Variants in ENPEP observed in about 807,000 individuals in gnomAD.
The protein encoded by ENPEP is glutamyl aminopeptidase.
In ENPEP, 103 loss-of-function variants were observed where a neutral mutation model predicts 114.5. The ratio of observed to expected loss-of-function variants is 0.90; its 90% confidence interval spans 0.77 to 1.06. The LOEUF is 1.06. Among genes scored for constraint, ENPEP ranks in the 50% least tolerant of loss-of-function variants. ENPEP has a pLI of 0.00. For missense variants in ENPEP, 1,196 were observed against 1,161.3 expected (o/e 1.03, Z -0.43); for synonymous variants, 420 against 422.0 (o/e 1.00, Z 0.06).
chr4:110,557,557 A>T (rs989541071), intron 18 of ENPEP, among the ~76,000 whole-genome samples: 1 of 152,186 alleles, frequency 6.6e-6, no homozygotes, highest in African/African-American at 2.4e-5. Flanking sequence ...GCTACAAAGG[A>T]TGTGGGAATA....
intron 18 of ENPEP, among the ~76,000 whole-genome samples, chr4:110,556,688 T>C (rs1426578897): frequency 6.6e-6 from 1 of 152,198 alleles, no homozygotes; most frequent in Non-Finnish European, 1.5e-5. Context: ...TTAGGGTTTC[T>C]GATAAATGTT....
intron 1 of ENPEP, among the ~76,000 whole-genome samples, chr4:110,482,829 T>A (rs905786166): frequency 1.3e-5 from 2 of 151,942 alleles, no homozygotes; most frequent in African/African-American, 4.8e-5. Context: ...GCTAACATGG[T>A]GAAACCCCGC....
intron 7 of ENPEP, 93 bp from the exon 8 acceptor site, chr4:110,515,284 T>A: frequency 9.7e-7 from 1 of 1,027,482 alleles, no homozygotes. Context: ...CTCACAAATA[T>A]GATCATGAAA....
chr4:110,548,150 T>TG, intron 13 of ENPEP, 26 bp from the exon 14 acceptor site: 6 of 1,144,282 alleles, frequency 5.2e-6, no homozygotes, highest in Non-Finnish European at 6.6e-6. Context: ...TTTTTTTTTT[T>TG]TTTTTTTTTT....
chr4:110,507,532 G>A (rs1725417208), intron 4 of ENPEP, among the ~76,000 whole-genome samples: 1 of 152,196 alleles, frequency 6.6e-6, no homozygotes, highest in South Asian at 2.1e-4. Context: ...ATGCACACAA[G>A]GGGAATGCAA....
intron 1 of ENPEP, among the ~76,000 whole-genome samples, chr4:110,486,870 CT>C (rs1724523859): frequency 6.6e-6 from 1 of 152,148 alleles, no homozygotes; most frequent in Non-Finnish European, 1.5e-5. Flanking sequence ...TTTATTATTA[CT>C]CAACTTTGTC....
At chr4:110,520,164 A>C in intron 9 of ENPEP, 51 bp from the exon 10 acceptor site, 3 of 1,596,192 alleles carry the variant, frequency 1.9e-6, no homozygotes, top group Non-Finnish European at 2.6e-6. Flanking sequence ...CTATCCTTTT[A>C]TTTTCTCATA....
chr4:110,533,225 A>G (rs1452952522), intron 11 of ENPEP: 3 of 296,272 alleles, frequency 1.0e-5, no homozygotes, highest in Non-Finnish European at 2.1e-5. Flanking sequence ...TGAATTTTCC[A>G]GATAACTAAA....
intron 13 of ENPEP, among the ~76,000 whole-genome samples, chr4:110,543,512 G>C (rs1434866829): frequency 6.6e-6 from 1 of 152,120 alleles, no homozygotes; most frequent in African/African-American, 2.4e-5. Context: ...AGAAGAATGA[G>C]CTATGGTGCT....
At chr4:110,541,951 A>T (rs929305498) in intron 11 of ENPEP, among the ~76,000 whole-genome samples, 1 of 152,162 alleles carries the variant, frequency 6.6e-6, no homozygotes, top group Non-Finnish European at 1.5e-5. Flanking sequence ...TACCTAAAAC[A>T]TAAGTCTCTG....
At chr4:110,510,011 C>A (rs149504966) in intron 5 of ENPEP, among the ~76,000 whole-genome samples, 2 of 152,174 alleles carry the variant, frequency 1.3e-5, no homozygotes, top group Admixed American at 1.3e-4. Context: ...ATGCACGAGG[C>A]CTTCATATAA....
intron 4 of ENPEP, among the ~76,000 whole-genome samples, chr4:110,508,029 G>C (rs1383133123): frequency 6.6e-6 from 1 of 152,034 alleles, no homozygotes; most frequent in African/African-American, 2.4e-5. Flanking sequence ...AAGATCCTTT[G>C]CCTTTTATCT....
At chr4:110,554,055 A>T (rs1727386607) in intron 18 of ENPEP, among the ~76,000 whole-genome samples, 1 of 152,050 alleles carries the variant, frequency 6.6e-6, no homozygotes, top group Non-Finnish European at 1.5e-5. Flanking sequence ...TGCAGAAGAA[A>T]GATTGCTGCT....
At chr4:110,493,329 A>G (rs1472026289) in intron 3 of ENPEP, among the ~76,000 whole-genome samples, 3 of 152,220 alleles carry the variant, frequency 2.0e-5, no homozygotes, top group Non-Finnish European at 2.9e-5. Flanking sequence ...TATGAAAACT[A>G]AGAGCATAAC....
At chr4:110,537,220 TC>T (rs1166253541) in intron 11 of ENPEP, among the ~76,000 whole-genome samples, 3 of 152,192 alleles carry the variant, frequency 2.0e-5, no homozygotes, top group African/African-American at 7.2e-5. Flanking sequence ...AATTGACCCT[TC>T]CTTTCACAAA....
intron 6 of ENPEP, 21 bp downstream of exon 6, chr4:110,510,379 C>T (rs1300154996): frequency 5.7e-6 from 9 of 1,574,832 alleles, no homozygotes; most frequent in East Asian, 2.2e-5. Flanking sequence ...AACACATAAA[C>T]TTGAAATCTC....
At chr4:110,559,626 T>G (rs371471278) in intron 18 of ENPEP, 21 bp from the exon 19 acceptor site, 48 of 1,556,606 alleles carry the variant, frequency 3.1e-5, no homozygotes, top group Non-Finnish European at 3.8e-5. Context: ...ACACTTCCTT[T>G]TACTCTAAAT....
chr4:110,548,041 T>C, intron 13 of ENPEP, 135 bp from the exon 14 acceptor site: 4 of 1,029,574 alleles, frequency 3.9e-6, no homozygotes, highest in Non-Finnish European at 5.2e-6. Context: ...AATTTCTTGA[T>C]TGTTGAATGG....
chr4:110,561,100 A>G (rs1332008369), intron 19 of ENPEP, among the ~76,000 whole-genome samples: 2 of 152,192 alleles, frequency 1.3e-5, no homozygotes, highest in Non-Finnish European at 2.9e-5. Flanking sequence ...TGGGGAATTC[A>G]GAGAAAATAG....
Sources: gnomAD v4.1 joint callset for allele counts (sites outside exome capture counted in the v4.1 genomes callset) on GRCh38, gnomAD v4.1.1 for gene constraint, MANE v1.5 for transcripts, NCBI Gene and HGNC (gene_info 2026-07-23, HGNC 2026-07-21) for gene names.